The following KMT2C variants were observed in gnomAD, a reference collection of about 807,000 sequenced individuals.
KMT2C encodes the protein lysine methyltransferase 2C, also known as histone-lysine N-methyltransferase 2C.
A neutral mutation model predicts 507.9 loss-of-function variants in KMT2C; 88 were observed. The observed-to-expected ratio is 0.17, with a 90% CI of 0.15 to 0.21. The LOEUF (loss-of-function observed/expected upper bound fraction) is 0.21, where lower values mean the gene tolerates loss of function less well. Among genes scored for constraint, KMT2C ranks in the 10% least tolerant of loss-of-function variants. KMT2C has a pLI of 1.00. For missense variants in KMT2C, 4,954 were observed against 5,957.8 expected, an observed-to-expected ratio of 0.83 and a Z score of 5.55; for synonymous variants, 2,049 against 2,080.8, an observed-to-expected ratio of 0.98 and a Z score of 0.42.
At position 152,154,456 on chromosome 7, in the gene KMT2C, A is replaced by G. The variant is rs1308274165; in HGVS notation, c.11961-11T>C. The stretch of plus-strand genomic sequence containing the variant: ...CAGTGATCCTGTATCCTGAAAAAAC[A>G]TAAACACACACATCAAAGTCTGCAA... On this transcript the variant is annotated splice_polypyrimidine_tract_variant and intron_variant, in intron 46 of 58. Coordinates refer to ENST00000262189, the MANE Select transcript of KMT2C (RefSeq NM_170606.3). The G allele has an allele frequency of 2.5e-6, 4 of 1,609,962 alleles. No homozygotes were observed. The Admixed American group carries it at 6.7e-5, about 27-fold the overall frequency.
chr7:152,200,720 G>A (rs2094111875), intron 26 of KMT2C, among the ~76,000 whole-genome samples: 1 of 152,008 alleles, frequency 6.6e-6, no homozygotes, highest in Non-Finnish European at 1.5e-5. Context: ...ACAGAGTGAG[G>A]CTGTCTCAAA....
intron 1 of KMT2C, among the ~76,000 whole-genome samples, chr7:152,364,068 C>A (rs576629196): frequency 4.6e-5 from 7 of 152,264 alleles, no homozygotes; most frequent in Admixed American, 4.6e-4. Flanking sequence ...CTATTCTAGA[C>A]CATCCCTAAA....
intron 6 of KMT2C, among the ~76,000 whole-genome samples, chr7:152,290,258 GTATA>G (rs746466676): frequency 0.059 from 1,528 of 26,092 alleles, 47 homozygotes; most frequent in East Asian, 0.087. Flanking sequence ...GTGTGTATGT[GTATA>G]TATATATATA....
intron 2 of KMT2C, among the ~76,000 whole-genome samples, chr7:152,349,831 T>G (rs1438955606): frequency 6.6e-6 from 1 of 152,092 alleles, no homozygotes; most frequent in Admixed American, 6.5e-5. Context: ...TTGTGACAAA[T>G]GTACCACTCT....
chr7:152,325,956 G>A (rs117738480), intron 3 of KMT2C, among the ~76,000 whole-genome samples: 1 of 146,352 alleles, frequency 6.8e-6, no homozygotes, highest in Non-Finnish European at 1.5e-5. Context: ...TAGCACAATT[G>A]TTGAAAGAGA....
intron 27 of KMT2C, among the ~76,000 whole-genome samples, chr7:152,197,196 T>A (rs190985279): frequency 2.9e-4 from 44 of 152,212 alleles, no homozygotes; most frequent in South Asian, 2.1e-3. Context: ...GTGGTCGGCT[T>A]TGGGACGTAT....
chr7:152,269,613 G>A (rs2095921720), intron 7 of KMT2C, among the ~76,000 whole-genome samples: 2 of 152,094 alleles, frequency 1.3e-5, no homozygotes, highest in Admixed American at 1.3e-4. Flanking sequence ...AATTTAAAAG[G>A]GCAGAGGAGT....
chr7:152,290,155 T>C (rs918222648), intron 6 of KMT2C, among the ~76,000 whole-genome samples: 3 of 150,408 alleles, frequency 2.0e-5, no homozygotes, highest in African/African-American at 7.3e-5. Flanking sequence ...AGTAATCTTA[T>C]AAAATCATAT....
At chr7:152,275,752 C>A in intron 6 of KMT2C, among the ~76,000 whole-genome samples, 1 of 152,158 alleles carries the variant, frequency 6.6e-6, no homozygotes, top group Admixed American at 6.5e-5. Flanking sequence ...AGAAAGACCA[C>A]GTAAATGTCG....
At chr7:152,214,326 A>T (rs981489451) in intron 23 of KMT2C, among the ~76,000 whole-genome samples, 3 of 152,208 alleles carry the variant, frequency 2.0e-5, no homozygotes, top group African/African-American at 7.2e-5. Flanking sequence ...AAGTGTCCTG[A>T]TGGACAATTT....
intron 1 of KMT2C, among the ~76,000 whole-genome samples, chr7:152,369,594 ATTAATGTCGTTC>A (rs2097276713): frequency 6.6e-6 from 1 of 152,270 alleles, no homozygotes; most frequent in South Asian, 2.1e-4. Flanking sequence ...GTTAAGAGGG[ATTAATGTCGTTC>A]TGAAAGGAGT....
intron 52 of KMT2C, among the ~76,000 whole-genome samples, chr7:152,147,707 C>CAAAAAAAAAAAAAA (rs762588729): frequency 1.9e-4 from 9 of 46,706 alleles, no homozygotes; most frequent in African/African-American, 7.1e-4. Flanking sequence ...AACTCCGTCT[C>CAAAAAAAAAAAAAA]AAAAAAAAAA....
chr7:152,214,329 G>C (rs182947824), intron 23 of KMT2C, among the ~76,000 whole-genome samples: 28 of 152,272 alleles, frequency 1.8e-4, no homozygotes, highest in African/African-American at 6.3e-4. Context: ...TGTCCTGATG[G>C]ACAATTTACT....
At chr7:152,362,189 G>A (rs555371065) in intron 1 of KMT2C, among the ~76,000 whole-genome samples, 8 of 152,260 alleles carry the variant, frequency 5.3e-5, no homozygotes, top group Admixed American at 4.6e-4. Flanking sequence ...ATAAAATTTT[G>A]TAAGGAGCCA....
intron 6 of KMT2C, among the ~76,000 whole-genome samples, chr7:152,307,118 A>G (rs1034226184): frequency 1.1e-4 from 17 of 151,468 alleles, no homozygotes; most frequent in Non-Finnish European, 2.2e-4. Flanking sequence ...TGATCATGCC[A>G]CTGCTCTCCA....
Position 152,195,979 on chromosome 7 carries a change from C to T in KMT2C, c.4306G>A (p.Glu1436Lys). ...PADDPLADIS[E>K]VLNTDDDILG... is the part of the protein sequence containing the mutation. ...ATGTCATCATCTGTGTTTAAAACTTCAGAAATATCAGCTAATGGGTCATCA... is the reference window on the plus strand; with the variant it reads ...ATGTCATCATCTGTGTTTAAAACTTTAGAAATATCAGCTAATGGGTCATCA... Residue 1436 changes from glutamate to lysine, a missense_variant, in exon 28 of 59, where the codon GAA becomes AAA. Glu to Lys is a moderately conservative substitution (Grantham distance 56). Around this residue, in one of 29 missense-constraint regions of KMT2C, gnomAD observed 140 missense variants for 118.4 expected, o/e 1.18. Transcript: ENST00000262189. 2 of 1,608,688 alleles carry T rather than the reference C, an allele frequency of 1.2e-6. No individual in the cohort carries two copies. Among genetic ancestry groups the T allele is most frequent in the Non-Finnish European group, 1.7e-6 (2 of 1,176,184 alleles).
intron 9 of KMT2C, among the ~76,000 whole-genome samples, chr7:152,258,931 G>C (rs1302477287): frequency 6.6e-6 from 1 of 152,100 alleles, no homozygotes; most frequent in Non-Finnish European, 1.5e-5. Context: ...ACAAAGGAGG[G>C]GGAAAAGAAA....
chr7:152,271,980 T>C (rs2095983970), intron 7 of KMT2C, among the ~76,000 whole-genome samples: 1 of 152,164 alleles, frequency 6.6e-6, no homozygotes, highest in African/African-American at 2.4e-5. Context: ...TGGTTACGTC[T>C]GGAGTTATAT....
At chr7:152,299,452 G>A (rs2096546955) in intron 6 of KMT2C, among the ~76,000 whole-genome samples, 1 of 151,964 alleles carries the variant, frequency 6.6e-6, no homozygotes, top group Admixed American at 6.6e-5. Context: ...TCAGGAGTAT[G>A]AGACCAGCCT....
Sources: allele counts gnomAD v4.1 joint callset (sites outside exome capture counted in the v4.1 genomes callset), GRCh38; gene constraint gnomAD v4.1.1; regional missense constraint gnomAD v4.1.1; transcripts MANE v1.5; gene names NCBI Gene and HGNC (gene_info 2026-07-23, HGNC 2026-07-21).